The following DLEC1 variants were observed in gnomAD, a reference collection of about 807,000 sequenced individuals.
DLEC1 encodes the protein DLEC1 cilia and flagella associated protein, also known as deleted in lung and esophageal cancer protein 1.
In DLEC1, 146 loss-of-function variants were observed where a neutral mutation model predicts 198.1. The ratio of observed to expected loss-of-function variants is 0.74; its 90% CI spans 0.64 to 0.85. The LOEUF (loss-of-function observed/expected upper bound fraction) is 0.85, where lower values mean the gene tolerates loss of function less well. DLEC1 is among the 40% of genes least tolerant of loss of function. The pLI is 0.00. For synonymous variants in DLEC1, 897 were observed against 866.8 expected (o/e 1.03, Z -0.61); for missense variants, 2,233 against 2,220.0 (o/e 1.01, Z -0.12).
intron 6 of DLEC1, among the ~76,000 whole-genome samples, chr3:38,071,698 A>T (rs1423594872): frequency 6.6e-6 from 1 of 152,208 alleles, no homozygotes; most frequent in Non-Finnish European, 1.5e-5. Context: ...TGCCTCTTGC[A>T]GTGAATGACC....
At chr3:38,065,516 C>T (rs1029026727) in intron 6 of DLEC1, among the ~76,000 whole-genome samples, 1 of 152,236 alleles carries the variant, frequency 6.6e-6, no homozygotes, top group African/African-American at 2.4e-5. Context: ...CAGTTATCTA[C>T]ATTTTGCCAA....
intron 24 of DLEC1, 127 bp downstream of exon 24, chr3:38,111,874 C>T (rs371862409): frequency 1.2e-5 from 13 of 1,061,730 alleles, no homozygotes; most frequent in East Asian, 5.3e-5. Context: ...ATGGCCAAGG[C>T]GCTCCACCTG....
chr3:38,066,822 T>TA (rs35981847), intron 6 of DLEC1, among the ~76,000 whole-genome samples: 62,704 of 152,104 alleles, frequency 0.41, 13,439 homozygotes, highest in East Asian at 0.6. Context: ...TGCTGAACAT[T>TA]AGAGGAAGCA....
chr3:38,102,823 A>G (rs918632170), intron 19 of DLEC1, among the ~76,000 whole-genome samples: 4 of 152,212 alleles, frequency 2.6e-5, no homozygotes, highest in African/African-American at 9.7e-5. Flanking sequence ...ATTCATAAAT[A>G]AGAATGAAGG....
rs1698573582 is a variant in DLEC1 at position 38,088,368 on chromosome 3, G to C, written c.1645G>C (p.Gly549Arg). ...GCCTTCGGTGTTTGAGCTGGCCCCG[G>C]GACATGCTATATTAGTGGAGGTAGG... is the stretch of plus-strand genomic sequence containing the variant. ...ILPSVFELAPGHAILVEVLFS... is the reference protein window; with the variant it reads ...ILPSVFELAPRHAILVEVLFS... The change falls in exon 10 of 37, where the codon GGA becomes CGA. Residue 549 changes from glycine to arginine, a missense_variant. Coordinates refer to ENST00000308059, the MANE Select transcript of DLEC1 (RefSeq NM_007335.4). 1 of 1,613,612 alleles carries C rather than the reference G, an allele frequency of 6.2e-7. No individual in the cohort carries two copies. Among genetic ancestry groups the C allele is most frequent in the African/African-American group, 1.3e-5 (1 of 74,884 alleles).
At chr3:38,084,482 AGTAGTGGTG>A (rs1698292886) in intron 7 of DLEC1, among the ~76,000 whole-genome samples, 2 of 35,390 alleles carry the variant, frequency 5.7e-5, no homozygotes, top group African/African-American at 1.6e-4. Flanking sequence ...TGGTGGTGGT[AGTAGTGGTG>A]GTAGTAGTAG....
rs1700202922 is a variant in DLEC1, at chr3:38,116,932, C to T, written c.4179+43C>T. Reference sequence around the variant, plus strand: ...CTGGGAGCTGTCTGCATTGGCCGGCCAGTGGGCATGGGACAGTGCTAAGGC... The same window carrying T: ...CTGGGAGCTGTCTGCATTGGCCGGCTAGTGGGCATGGGACAGTGCTAAGGC... On this transcript the variant is annotated intron_variant, in intron 29 of 36. Transcript: ENST00000308059. 3.1e-6 allele frequency: 5 copies of T among 1,612,098 alleles called. No homozygotes were observed. In the East Asian group the frequency reaches 8.9e-5, roughly 29 times the overall value.
Position 38,115,013 on chromosome 3 carries a change from A to G in DLEC1, c.3816A>G (p.Thr1272=), listed in dbSNP as rs765874265. 3.7e-5 allele frequency: 59 copies of G among 1,613,996 alleles called. No homozygotes were observed. The highest frequency in any genetic ancestry group is 5.0e-5 in the Non-Finnish European group (59 of 1,179,916). ...GCACCCAGGTCTCCGGAGGAGACAC[A>G]GTTACCCGAACCCTTCGCCTGAATA... ...RFGTQVSGGD[T]VTRTLRLNNS... Residue 1272 remains threonine (T), a synonymous_variant, in exon 27 of 37, where the codon ACA becomes ACG. Transcript: ENST00000308059.
intron 9 of DLEC1, among the ~76,000 whole-genome samples, chr3:38,087,505 T>A (rs1405512771): frequency 2.1e-5 from 3 of 141,808 alleles, no homozygotes; most frequent in Non-Finnish European, 4.5e-5. Context: ...ACACCATCCA[T>A]CAGCACTGAC....
At chr3:38,117,380 G>C in intron 31 of DLEC1, 78 bp downstream of exon 31, 1 of 1,601,922 alleles carries the variant, frequency 6.2e-7, no homozygotes, top group Non-Finnish European at 8.5e-7. Context: ...AGCCAGGCAG[G>C]GTTCTCAGAG....
In DLEC1 at chr3:38,112,337, G is replaced by A; in HGVS notation, c.3642G>A (p.Glu1214=). The A allele has an allele frequency of 1.2e-6, 2 of 1,614,134 alleles. No homozygotes were observed. The highest frequency in any genetic ancestry group is 1.6e-4 in the Middle Eastern group (1 of 6,062). Residue 1214 remains glutamate, a synonymous_variant, in exon 25 of 37, where the codon GAG becomes GAA. Transcript: ENST00000308059. The surrounding 1 kb of genome is among the most constrained non-coding windows in gnomAD (Gnocchi z 4.8). ...CAGGCTGTGCCAACATGTGGGGCGA[G>A]TACTGGGACAACCTCATCTGCACGG... The part of the protein sequence containing the change: ...DITGCANMWG[E]YWDNLICTVG...
chr3:38,112,189 A>C lies in DLEC1; in HGVS notation c.3515-21A>C, dbSNP rs549728665. 14 of 1,613,880 alleles carry C rather than the reference A, an allele frequency of 8.7e-6. No homozygotes were observed. The African/African-American group carries it at 9.3e-5, about 11-fold the overall frequency. On this transcript the variant is annotated intron_variant, in intron 24 of 36. Coordinates refer to ENST00000308059, the MANE Select transcript of DLEC1 (RefSeq NM_007335.4). The surrounding 1 kb of genome is among the most constrained non-coding windows in gnomAD (Gnocchi z 4.8). ...CCAACCCCAGGCCCGTGAATCCCCC[A>C]CAGTCGCGGTTCTTTCCCAGATTTT...
chr3:38,116,673 A>G lies in DLEC1; in HGVS notation c.4062+15A>G. The stretch of plus-strand genomic sequence containing the variant: ...CTGACTCATCAGTGAGCAGGGGTGG[A>G]GGGGCGGGGCAGGCTGGCCACTGAG... On this transcript the variant is annotated intron_variant, in intron 28 of 36. Transcript: ENST00000308059. The G allele has an allele frequency of 6.2e-7, 1 of 1,613,490 alleles. No homozygotes were observed. Among genetic ancestry groups the G allele is most frequent in the Non-Finnish European group, 8.5e-7 (1 of 1,179,534 alleles).
At position 38,045,674 on chromosome 3, in the gene DLEC1, C is replaced by T. The variant is rs139958483; in HGVS notation, c.543C>T (p.Ser181=). 8,458 of 1,612,726 alleles carry T rather than the reference C, an allele frequency of 5.2e-3. 34 individuals are homozygous for T. The highest frequency in any genetic ancestry group is 6.7e-3 in the Non-Finnish European group (7,943 of 1,179,450). Residue 181 remains serine (S), a synonymous_variant, in exon 2 of 37, where the codon AGC becomes AGT. Transcript: ENST00000308059. The stretch of plus-strand genomic sequence containing the variant: ...AGGCTGGAGTACAGGACCTCGAGAG[C>T]CTTGTCAGGTTGCCTCCAGGTGTGT... ...MSQAGVQDLE[S]LVRLPPVKSV...
chr3:38,080,668 G>A (rs1697928562), intron 6 of DLEC1, among the ~76,000 whole-genome samples: 1 of 152,142 alleles, frequency 6.6e-6, no homozygotes, highest in Non-Finnish European at 1.5e-5. Flanking sequence ...GTGAGTTGAA[G>A]AGCTTTTAAG....
chr3:38,114,201 A>G, intron 25 of DLEC1, 141 bp from the exon 26 acceptor site: 1 of 604,404 alleles, frequency 1.7e-6, no homozygotes, highest in African/African-American at 1.9e-5. Context: ...GGGAAGTGGG[A>G]GAGAAGACAG....
At position 38,062,814 on chromosome 3, in the gene DLEC1, C is replaced by G. The variant is rs778698657; in HGVS notation, c.1094+13C>G. 7 of 1,611,360 alleles carry G rather than the reference C, an allele frequency of 4.3e-6. No individual in the cohort carries two copies. Among genetic ancestry groups the G allele is most frequent in the Non-Finnish European group, 5.9e-6 (7 of 1,179,058 alleles). On this transcript the variant is annotated intron_variant, in intron 5 of 36. Coordinates refer to ENST00000308059, the MANE Select transcript of DLEC1 (RefSeq NM_007335.4). ...AGCCAGAACAGAGGTATGTCTTTCTCTGGCTTGAACTCTCAGAAAACCTGG... is the reference window on the plus strand; with the variant it reads ...AGCCAGAACAGAGGTATGTCTTTCTGTGGCTTGAACTCTCAGAAAACCTGG...
chr3:38,044,785 T>G (rs754224702), intron 1 of DLEC1, among the ~76,000 whole-genome samples: 1 of 152,188 alleles, frequency 6.6e-6, no homozygotes, highest in Non-Finnish European at 1.5e-5. Flanking sequence ...CCAGAAAATA[T>G]GGATCAGAAG....
rs557205174 is a variant in DLEC1 at position 38,121,140 on chromosome 3, G to A, written c.4867-488G>A. On this transcript the variant is annotated intron_variant, in intron 34 of 36. Coordinates refer to ENST00000308059, the MANE Select transcript of DLEC1 (RefSeq NM_007335.4). ...GGGCAGGAGGCTGAGCAGTGGAGCC[G>A]AGGCGCTCTAGCCTGGCACCTGGGC... Among the ~76,000 whole-genome samples the A allele has an allele frequency of 5.9e-5, 9 of 152,332 alleles. No individual in the cohort carries two copies. In the South Asian group the frequency reaches 8.3e-4, roughly 14 times the overall value.
Sources: gnomAD v4.1 joint callset for allele counts (sites outside exome capture counted in the v4.1 genomes callset) on GRCh38, gnomAD v4.1.1 for gene constraint, Gnocchi (gnomAD v3.1) non-coding constraint, MANE v1.5 for transcripts, NCBI Gene and HGNC (gene_info 2026-07-23, HGNC 2026-07-21) for gene names.